TAX1BP1: variants seen among roughly 807,000 people sequenced by gnomAD.
TAX1BP1 encodes tax1-binding protein 1.
In TAX1BP1, 62 loss-of-function variants were observed where a neutral mutation model predicts 97.7. The observed-to-expected ratio is 0.63, with a 90% confidence interval of 0.52 to 0.78. TAX1BP1 has a LOEUF of 0.78. Among genes scored for constraint, TAX1BP1 ranks in the 30% least tolerant of loss-of-function variants. The pLI is 0.00. For missense variants in TAX1BP1, 867 were observed against 916.1 expected (o/e 0.95, Z 0.69); for synonymous variants, 340 against 304.2 (o/e 1.12, Z -1.23).
chr7:27,776,644 T>C (rs1789042430), intron 5 of TAX1BP1, among the ~76,000 whole-genome samples: 1 of 152,010 alleles, frequency 6.6e-6, no homozygotes, highest in African/African-American at 2.4e-5. Flanking sequence ...ATGCTTGGGG[T>C]TCAGTGACCT....
intron 5 of TAX1BP1, among the ~76,000 whole-genome samples, chr7:27,777,801 G>C (rs765609169): frequency 1.4e-4 from 21 of 152,276 alleles, no homozygotes; most frequent in Non-Finnish European, 2.8e-4. Context: ...TAATAAGCTG[G>C]AGCAGTTATA....
At chr7:27,796,380 G>A (rs73684059) in intron 12 of TAX1BP1, among the ~76,000 whole-genome samples, 161 bp downstream of exon 12, 3,487 of 152,224 alleles carry the variant, frequency 0.023, 128 homozygotes, top group African/African-American at 0.079. Context: ...TGGGCGTTTT[G>A]TGTACCTGTT....
chr7:27,782,090 C>G (rs536404211), intron 5 of TAX1BP1, among the ~76,000 whole-genome samples: 2 of 152,076 alleles, frequency 1.3e-5, no homozygotes, highest in African/African-American at 2.4e-5. Context: ...CATTTTCACT[C>G]TCTTTTTAAA....
chr7:27,768,484 GA>G (rs1788724748), intron 4 of TAX1BP1, among the ~76,000 whole-genome samples: 1 of 151,850 alleles, frequency 6.6e-6, no homozygotes, highest in Admixed American at 6.6e-5. Context: ...TAAATCACTG[GA>G]AAAGGTGATT....
In TAX1BP1 at chr7:27,748,661, CA is replaced by C; in HGVS notation, c.141del (p.Asp48IlefsTer38). 6.4e-7 allele frequency: 1 copy of C among 1,558,270 alleles called. No individual in the cohort carries two copies. Among genetic ancestry groups the C allele is most frequent in the South Asian group, 1.2e-5 (1 of 80,164 alleles). On this transcript the variant is annotated frameshift_variant, in exon 2 of 17. Transcript: ENST00000396319. LOFTEE classifies it high-confidence loss of function. ...TTAACTCCATATATTCATCCACATC[CA>C]AAAGATTGGGTTGGTATATTCAAGG... ...YTLTPYIHPH[P>X]KDWVGIFKVG...
At chr7:27,743,763 CTTTATTTTTTTTTTTTTTTTTTT>C (rs1787707013) in intron 1 of TAX1BP1, among the ~76,000 whole-genome samples, 1 of 41,330 alleles carries the variant, frequency 2.4e-5, no homozygotes, top group Admixed American at 3.1e-4. Context: ...AGTTTAGTAT[CTTTATTTTTTTTTTTTTTTTTTT>C]TTTTTTTTTT....
At chr7:27,817,790 T>G (rs761012746) in intron 15 of TAX1BP1, among the ~76,000 whole-genome samples, 2 of 152,188 alleles carry the variant, frequency 1.3e-5, no homozygotes, top group African/African-American at 2.4e-5. Context: ...AAGATGAATT[T>G]AAAAGAAATG....
At chr7:27,791,247 G>T (rs1460336442) in intron 8 of TAX1BP1, among the ~76,000 whole-genome samples, 1 of 151,972 alleles carries the variant, frequency 6.6e-6, no homozygotes, top group African/African-American at 2.4e-5. Context: ...CCAATATTGG[G>T]TTGCATTTTT....
chr7:27,789,346 T>G (rs1789610111), intron 8 of TAX1BP1, among the ~76,000 whole-genome samples: 1 of 151,996 alleles, frequency 6.6e-6, no homozygotes, highest in South Asian at 2.1e-4. Flanking sequence ...ACAGTTGCTT[T>G]GTTCAGAAGT....
At chr7:27,777,385 T>C (rs1789072633) in intron 5 of TAX1BP1, among the ~76,000 whole-genome samples, 1 of 152,156 alleles carries the variant, frequency 6.6e-6, no homozygotes, top group African/African-American at 2.4e-5. Context: ...GGTTACTCTC[T>C]CCCCACTACT....
At chr7:27,785,617 T>C (rs1462342023) in intron 7 of TAX1BP1, 128 bp downstream of exon 7, 3 of 740,840 alleles carry the variant, frequency 4.0e-6, no homozygotes, top group Non-Finnish European at 6.7e-6. Flanking sequence ...TCTTGTGTAG[T>C]TGCAGTCAGG....
chr7:27,784,500 C>T (rs1789391671), intron 5 of TAX1BP1, among the ~76,000 whole-genome samples: 1 of 152,118 alleles, frequency 6.6e-6, no homozygotes, highest in African/African-American at 2.4e-5. Flanking sequence ...TGGCTTTAGG[C>T]ATATGTTAGT....
chr7:27,815,033 G>A lies in TAX1BP1; in HGVS notation c.1765-1316G>A, dbSNP rs192489502. The stretch of plus-strand genomic sequence containing the variant: ...ATTACAGGCGTGAGCCACTGTGCCC[G>A]GCCATTTTCCTAGTTTTTATAGATT... On this transcript the variant is annotated intron_variant, in intron 13 of 16. Coordinates refer to ENST00000396319, the MANE Select transcript of TAX1BP1 (RefSeq NM_006024.7). 5.5e-3 allele frequency among the ~76,000 whole-genome samples: 844 copies of A among 152,206 alleles called. 10 individuals are homozygous for A. Among genetic ancestry groups the A allele is most frequent in the African/African-American group, 0.019 (792 of 41,522 alleles).
At chr7:27,790,163 A>AT (rs1001075866) in intron 8 of TAX1BP1, among the ~76,000 whole-genome samples, 14 of 152,062 alleles carry the variant, frequency 9.2e-5, no homozygotes, top group Admixed American at 2.6e-4. Context: ...GAATTTATAC[A>AT]TTTTTTCCTT....
Position 27,762,577 on chromosome 7 carries a change from T to G in TAX1BP1, c.266-3257T>G, listed in dbSNP as rs1015916791. Among the ~76,000 whole-genome samples the G allele has an allele frequency of 5.3e-5, 8 of 152,192 alleles. No individual in the cohort carries two copies. In the East Asian group the frequency reaches 1.5e-3, roughly 29 times the overall value. On this transcript the variant is annotated intron_variant, in intron 3 of 16. Coordinates refer to ENST00000396319, the MANE Select transcript of TAX1BP1 (RefSeq NM_006024.7). ...TGTTATAGTGACTATTGCTTTTGTT[T>G]ATTAGGGACTTAGGAGTAAGTTTAA... is the stretch of plus-strand genomic sequence containing the variant.
intron 1 of TAX1BP1, among the ~76,000 whole-genome samples, chr7:27,740,857 A>T (rs11520772): frequency 0.14 from 21,197 of 152,140 alleles, 1,735 homozygotes; most frequent in Middle Eastern, 0.19. Context: ...GTTCTGGCTG[A>T]TGGCCTGCTT....
At chr7:27,791,532 A>G (rs1356998707) in intron 8 of TAX1BP1, among the ~76,000 whole-genome samples, 1 of 152,160 alleles carries the variant, frequency 6.6e-6, no homozygotes, top group African/African-American at 2.4e-5. Context: ...TGTTTTTATA[A>G]TGATATGAAA....
At chr7:27,811,829 C>A (rs1393890036) in intron 13 of TAX1BP1, among the ~76,000 whole-genome samples, 3 of 152,148 alleles carry the variant, frequency 2.0e-5, no homozygotes, top group Non-Finnish European at 4.4e-5. Flanking sequence ...TTTATGGCTT[C>A]TAGCATTTCA....
Position 27,765,838 on chromosome 7 carries a change from T to C in TAX1BP1, c.270T>C (p.Tyr90=). The change falls in exon 4 of 17, where the codon TAT becomes TAC. Residue 90 remains tyrosine (Y), a synonymous_variant. Transcript: ENST00000396319. ...TGTTTGTTAACTTCCTCTTAGGATA[T>C]TACCTTCCAAATGATGATGGAGAAT... The part of the protein sequence containing the change: ...TVNCVLAFQG[Y]YLPNDDGEFY... The C allele has an allele frequency of 2.5e-6, 4 of 1,613,008 alleles. No individual in the cohort carries two copies. The highest frequency in any genetic ancestry group is 3.4e-6 in the Non-Finnish European group (4 of 1,179,168).
Sources: allele counts gnomAD v4.1 joint callset (sites outside exome capture counted in the v4.1 genomes callset), GRCh38; gene constraint gnomAD v4.1.1; transcripts MANE v1.5; gene names NCBI Gene and HGNC (gene_info 2026-07-23, HGNC 2026-07-21).